Variants in AGBL4 observed in about 807,000 individuals in gnomAD.
The protein encoded by AGBL4 is cytosolic carboxypeptidase 6.
In AGBL4, 58 loss-of-function variants were observed where a neutral mutation model predicts 66.4. The observed-to-expected ratio is 0.87, with a 90% confidence interval of 0.71 to 1.09. The LOEUF is 1.09. Ranked by LOEUF, AGBL4 falls within the 50% of genes least tolerant of loss-of-function variation. The pLI, the probability that AGBL4 is intolerant of heterozygous loss-of-function variation, is 0.00. For synonymous variants in AGBL4, 234 were observed against 222.9 expected (o/e 1.05, Z -0.44); for missense variants, 579 against 631.0 (o/e 0.92, Z 0.88).
intron 11 of AGBL4, among the ~76,000 whole-genome samples, chr1:48,549,575 A>G (rs957311729): frequency 3.9e-5 from 6 of 152,094 alleles, no homozygotes; most frequent in African/African-American, 1.4e-4. Flanking sequence ...CCGCAGAGGC[A>G]GAGACCAAAA....
chr1:49,225,688 C>T (rs898500726), intron 4 of AGBL4, among the ~76,000 whole-genome samples: 2 of 152,180 alleles, frequency 1.3e-5, no homozygotes, highest in African/African-American at 4.8e-5. Context: ...TAGGCAAACT[C>T]TGGTGTGGGC....
At chr1:49,030,597 C>G (rs1335508759) in intron 5 of AGBL4, among the ~76,000 whole-genome samples, 5 of 151,902 alleles carry the variant, frequency 3.3e-5, no homozygotes, top group Non-Finnish European at 7.4e-5. Context: ...CTATTGTGAA[C>G]TGTGAAAGGA....
At chr1:48,604,094 C>T (rs1393722462) in intron 9 of AGBL4, among the ~76,000 whole-genome samples, 4 of 152,084 alleles carry the variant, frequency 2.6e-5, no homozygotes, top group Non-Finnish European at 5.9e-5. Flanking sequence ...GTTGGCACCA[C>T]CGCACTACAG....
chr1:49,424,737 T>C (rs1476169321), intron 3 of AGBL4, among the ~76,000 whole-genome samples: 1 of 152,194 alleles, frequency 6.6e-6, no homozygotes, highest in African/African-American at 2.4e-5. Flanking sequence ...CTCTTATTTA[T>C]AGATACTCCA....
At chr1:49,830,861 G>C (rs183346925) in intron 2 of AGBL4, among the ~76,000 whole-genome samples, 1 of 152,276 alleles carries the variant, frequency 6.6e-6, no homozygotes, top group African/African-American at 2.4e-5. Context: ...TTATTAAATA[G>C]GGAATCCTTT....
chr1:48,627,443 G>C (rs1645522589), intron 9 of AGBL4, among the ~76,000 whole-genome samples: 1 of 152,042 alleles, frequency 6.6e-6, no homozygotes, highest in South Asian at 2.1e-4. Flanking sequence ...TTTGTGGGTT[G>C]GTGTGAATGA....
At chr1:49,711,634 T>G (rs1322003273) in intron 2 of AGBL4, among the ~76,000 whole-genome samples, 1 of 152,070 alleles carries the variant, frequency 6.6e-6, no homozygotes, top group Non-Finnish European at 1.5e-5. Context: ...TTTGCTCTCT[T>G]GATTGTGGCG....
At chr1:49,982,819 T>A (rs1659178995) in intron 1 of AGBL4, among the ~76,000 whole-genome samples, 1 of 152,126 alleles carries the variant, frequency 6.6e-6, no homozygotes, top group African/African-American at 2.4e-5. Flanking sequence ...CTAAGAGGTA[T>A]CCAGACGACC....
intron 3 of AGBL4, among the ~76,000 whole-genome samples, chr1:49,392,944 T>TA (rs1322070665): frequency 6.6e-6 from 1 of 152,220 alleles, no homozygotes; most frequent in South Asian, 2.1e-4. Flanking sequence ...AAGTAAGTAT[T>TA]ATAATAAGCA....
At chr1:48,820,795 A>G (rs1219184347) in intron 6 of AGBL4, among the ~76,000 whole-genome samples, 1 of 152,184 alleles carries the variant, frequency 6.6e-6, no homozygotes, top group Non-Finnish European at 1.5e-5. Context: ...AGCTAAAGAA[A>G]TAACAGGGTA....
At chr1:49,450,310 A>G (rs540872450) in intron 3 of AGBL4, among the ~76,000 whole-genome samples, 1 of 152,232 alleles carries the variant, frequency 6.6e-6, no homozygotes, top group East Asian at 1.9e-4. Context: ...CCATAGCACA[A>G]GATAAACACA....
intron 3 of AGBL4, among the ~76,000 whole-genome samples, chr1:49,425,763 G>A (rs1300838906): frequency 1.3e-5 from 2 of 152,316 alleles, no homozygotes; most frequent in East Asian, 3.9e-4. Flanking sequence ...GGGTGAGGGG[G>A]TGAGAGGAGA....
At chr1:49,490,876 A>AG (rs1647173066) in intron 3 of AGBL4, among the ~76,000 whole-genome samples, 1 of 151,758 alleles carries the variant, frequency 6.6e-6, no homozygotes, top group Non-Finnish European at 1.5e-5. Flanking sequence ...AAAATATGAA[A>AG]GGGGTTTTAA....
At chr1:48,759,106 C>T (rs762007782) in intron 6 of AGBL4, 9 of 1,611,620 alleles carry the variant, frequency 5.6e-6, no homozygotes, top group South Asian at 4.4e-5. Flanking sequence ...ATACAGAGCC[C>T]GGGGCACCAC....
intron 5 of AGBL4, among the ~76,000 whole-genome samples, chr1:48,931,831 A>G (rs914543202): frequency 6.6e-6 from 1 of 152,060 alleles, no homozygotes; most frequent in Admixed American, 6.6e-5. Flanking sequence ...TTTTCTTCAC[A>G]GCATCTGAAA....
intron 3 of AGBL4, among the ~76,000 whole-genome samples, chr1:49,455,152 T>C (rs191490389): frequency 6.6e-6 from 1 of 151,658 alleles, no homozygotes; most frequent in East Asian, 1.9e-4. Flanking sequence ...CAAATCTATG[T>C]ACATATGTAT....
chr1:49,420,720 C>G (rs1327535244), intron 3 of AGBL4, among the ~76,000 whole-genome samples: 1 of 151,220 alleles, frequency 6.6e-6, no homozygotes, highest in Non-Finnish European at 1.5e-5. Context: ...AAAAAAAGTG[C>G]TCTGTATTTA....
chr1:48,902,377 T>C (rs1273671307), intron 5 of AGBL4, among the ~76,000 whole-genome samples: 1 of 152,150 alleles, frequency 6.6e-6, no homozygotes, highest in African/African-American at 2.4e-5. Flanking sequence ...GAGTTTACAA[T>C]GAACAGTTAG....
intron 6 of AGBL4, among the ~76,000 whole-genome samples, chr1:48,836,222 T>C (rs780275732): frequency 7.3e-5 from 11 of 149,794 alleles, no homozygotes; most frequent in Non-Finnish European, 1.6e-4. Flanking sequence ...CAAATTGCTC[T>C]ATAACCTTGC....
Sources: gnomAD v4.1 joint callset for allele counts (sites outside exome capture counted in the v4.1 genomes callset) on GRCh38, gnomAD v4.1.1 for gene constraint, MANE v1.5 for transcripts, NCBI Gene and HGNC (gene_info 2026-07-23, HGNC 2026-07-21) for gene names.